NAALADL2: variants seen among roughly 807,000 people sequenced by gnomAD.
NAALADL2 encodes the protein N-acetylated alpha-linked acidic dipeptidase like 2.
A neutral mutation model predicts 87.2 loss-of-function variants in NAALADL2; 76 were observed. That is an observed-to-expected ratio of 0.87 (90% CI 0.72 to 1.05). The LOEUF (loss-of-function observed/expected upper bound fraction) is 1.05, where lower values mean the gene tolerates loss of function less well. NAALADL2 is among the 50% of genes least tolerant of loss of function. The pLI is 0.00. For synonymous variants in NAALADL2, 354 were observed against 331.0 expected (o/e 1.07, Z -0.75); for missense variants, 1,089 against 945.8 (o/e 1.15, Z -1.99).
chr3:175,333,650 T>TA (rs1354378877), intron 5 of NAALADL2, among the ~76,000 whole-genome samples: 1 of 152,000 alleles, frequency 6.6e-6, no homozygotes, highest in African/African-American at 2.4e-5. Context: ...AGTAGAATGA[T>TA]AGATATCAGA....
chr3:174,899,980 C>A (rs1732112391), intron 1 of NAALADL2, among the ~76,000 whole-genome samples: 1 of 151,616 alleles, frequency 6.6e-6, no homozygotes, highest in Non-Finnish European at 1.5e-5. Flanking sequence ...ATTTAAAAAA[C>A]TCTTATTTTA....
At chr3:175,285,572 G>T (rs1415106941) in intron 4 of NAALADL2, among the ~76,000 whole-genome samples, 1 of 152,108 alleles carries the variant, frequency 6.6e-6, no homozygotes, top group African/African-American at 2.4e-5. Flanking sequence ...TAGGAAATTA[G>T]CTAAGAAAAG....
rs1018401933 is a variant in NAALADL2, at chr3:175,793,444, G to A, written c.2190-9561G>A. Among the ~76,000 whole-genome samples, 3 of 151,482 alleles carry A rather than the reference G, an allele frequency of 2.0e-5. No individual in the cohort carries two copies. The South Asian group carries it at 6.3e-4, about 32-fold the overall frequency. ...CCTGCCTCACCCTCCCGAGTAGCTG[G>A]GACTACAGGCACCCGCCACCGCGCC... On this transcript the variant is annotated intron_variant, in intron 13 of 13. Coordinates refer to ENST00000454872, the MANE Select transcript of NAALADL2 (RefSeq NM_207015.3).
intron 1 of NAALADL2, among the ~76,000 whole-genome samples, chr3:174,867,007 T>A (rs1424156332): frequency 6.6e-6 from 1 of 151,810 alleles, no homozygotes; most frequent in Non-Finnish European, 1.5e-5. Flanking sequence ...AATTACTAAA[T>A]CATATTTATC....
intron 2 of NAALADL2, among the ~76,000 whole-genome samples, chr3:175,212,321 C>G (rs1489058298): frequency 6.7e-6 from 1 of 150,114 alleles, no homozygotes; most frequent in Non-Finnish European, 1.5e-5. Flanking sequence ...GTTAATTAAT[C>G]AAGTCATAGT....
intron 1 of NAALADL2, among the ~76,000 whole-genome samples, chr3:174,905,866 A>G (rs1304566449): frequency 6.6e-6 from 1 of 152,054 alleles, no homozygotes; most frequent in Non-Finnish European, 1.5e-5. Flanking sequence ...TAAAGTAAGA[A>G]ATCTATGCCC....
At chr3:174,556,660 G>A (rs1316035103) in intron 2 of NAALADL2, among the ~76,000 whole-genome samples, 1 of 152,128 alleles carries the variant, frequency 6.6e-6, no homozygotes, top group Non-Finnish European at 1.5e-5. Context: ...AGGAGAGCAA[G>A]CTGTGAAGCT....
rs188094604 is a variant in NAALADL2, at chr3:175,393,186, A to G, written c.1091-54043A>G. 4.8e-3 allele frequency among the ~76,000 whole-genome samples: 690 copies of G among 144,480 alleles called. 6 individuals are homozygous for G. Among genetic ancestry groups the G allele is most frequent in the African/African-American group, 0.016 (637 of 39,490 alleles). 94.8% of individuals were successfully genotyped at this position (144,480 alleles called of 152,430 possible). A position where few individuals can be genotyped will look rare whatever the true frequency, so the allele number is the denominator to read the frequency against. On this transcript the variant is annotated intron_variant, in intron 5 of 13. Coordinates refer to ENST00000454872, the MANE Select transcript of NAALADL2 (RefSeq NM_207015.3). ...CTACTCGGGAGGCTGAGGCAGGAGA[A>G]TGGCGTGAACCCGGGAAGCGGAGCT...
chr3:174,624,294 G>A (rs1453876786), intron 2 of NAALADL2, among the ~76,000 whole-genome samples: 3 of 152,116 alleles, frequency 2.0e-5, no homozygotes, highest in African/African-American at 7.2e-5. Flanking sequence ...TGCATTACAT[G>A]ACAGTCCTCT....
At chr3:175,474,050 C>A (rs562426271) in intron 9 of NAALADL2, among the ~76,000 whole-genome samples, 1 of 152,286 alleles carries the variant, frequency 6.6e-6, no homozygotes, top group Non-Finnish European at 1.5e-5. Context: ...CTTTTCACCA[C>A]AATCTATGCC....
intron 3 of NAALADL2, among the ~76,000 whole-genome samples, chr3:174,797,222 C>T (rs1018453138): frequency 2.6e-5 from 4 of 151,788 alleles, no homozygotes; most frequent in East Asian, 1.9e-4. Context: ...GTGTCATTTC[C>T]CCAGGCGGCT....
intron 1 of NAALADL2, among the ~76,000 whole-genome samples, chr3:174,520,959 A>G (rs1407644937): frequency 3.3e-5 from 5 of 152,158 alleles, no homozygotes; most frequent in South Asian, 2.1e-4. Context: ...TAAAACCACA[A>G]TAAGACATCA....
At chr3:174,858,930 C>T (rs550908930), upstream of NAALADL2, among the ~76,000 whole-genome samples, 10 of 152,100 alleles carry the variant, frequency 6.6e-5, no homozygotes, top group Non-Finnish European at 1.5e-4. Flanking sequence ...CTGCACAAAA[C>T]TGACTCTGAG....
chr3:174,597,912 A>G (rs1560081148), intron 2 of NAALADL2, among the ~76,000 whole-genome samples: 1 of 152,134 alleles, frequency 6.6e-6, no homozygotes, highest in Non-Finnish European at 1.5e-5. Flanking sequence ...AACTGACTCA[A>G]CAATTTAAGT....
At chr3:175,368,939 C>T (rs1202106213) in intron 5 of NAALADL2, among the ~76,000 whole-genome samples, 1 of 152,020 alleles carries the variant, frequency 6.6e-6, no homozygotes, top group Non-Finnish European at 1.5e-5. Flanking sequence ...GGGCACTTTT[C>T]ATGGAACTTG....
chr3:174,586,683 T>C (rs898837394), intron 2 of NAALADL2, among the ~76,000 whole-genome samples: 6 of 152,260 alleles, frequency 3.9e-5, no homozygotes, highest in South Asian at 4.2e-4. Flanking sequence ...ATGTTCCTCA[T>C]AGATAAGGAA....
intron 1 of NAALADL2, among the ~76,000 whole-genome samples, chr3:174,485,011 A>C (rs1257000376): frequency 3.3e-5 from 5 of 152,058 alleles, no homozygotes; most frequent in Admixed American, 3.3e-4. Context: ...TTGGGGTCCC[A>C]AAAATATAGA....
chr3:175,094,420 C>A (rs1029376723), intron 1 of NAALADL2, among the ~76,000 whole-genome samples: 5 of 151,888 alleles, frequency 3.3e-5, no homozygotes, highest in African/African-American at 1.2e-4. Context: ...TTTTTCTATC[C>A]TCTAGTATTT....
At chr3:174,476,304 A>C (rs1717206769) in intron 1 of NAALADL2, among the ~76,000 whole-genome samples, 1 of 151,684 alleles carries the variant, frequency 6.6e-6, no homozygotes, top group African/African-American at 2.4e-5. Flanking sequence ...TGATAGAATA[A>C]AGTGTTTGCA....
Sources: gnomAD v4.1 joint callset for allele counts (sites outside exome capture counted in the v4.1 genomes callset) on GRCh38, gnomAD v4.1.1 for gene constraint, MANE v1.5 for transcripts, NCBI Gene and HGNC (gene_info 2026-07-23, HGNC 2026-07-21) for gene names.